Variants in PRKDC observed in about 807,000 individuals in gnomAD.
PRKDC encodes the protein DNA-dependent protein kinase catalytic subunit.
A neutral mutation model predicts 486.9 loss-of-function variants in PRKDC; 82 were observed. The ratio of observed to expected loss-of-function variants is 0.17; its 90% CI spans 0.14 to 0.20. PRKDC has a LOEUF of 0.20. Ranked by LOEUF, PRKDC falls within the 10% of genes least tolerant of loss-of-function variation. The pLI is 1.00. For synonymous variants in PRKDC, 1,895 were observed against 1,837.0 expected, an observed-to-expected ratio of 1.03 and a Z score of -0.81; for missense variants, 4,504 against 5,038.2, an observed-to-expected ratio of 0.89 and a Z score of 3.21.
In PRKDC at chr8:47,836,519, G is replaced by A. The variant is rs1221163221; in HGVS notation, c.7770C>T (p.Thr2590=). The change falls in exon 58 of 86, where the codon ACC becomes ACT. Residue 2590 remains threonine, a synonymous_variant. Transcript: ENST00000314191. The part of the protein sequence containing the change: ...PLSECEFQEY[T]IDSDWRFRST... ...TTCGGAAACGCCAATCAGAATCAAT[G>A]GTATATTCCTGTACATAAGAAAGTT... 1 of 1,595,192 alleles carries A rather than the reference G, an allele frequency of 6.3e-7. No homozygotes were observed. The highest frequency in any genetic ancestry group is 8.5e-7 in the Non-Finnish European group (1 of 1,170,474).
chr8:47,775,877 C>T (rs1249867093), intron 85 of PRKDC, among the ~76,000 whole-genome samples: 1 of 148,330 alleles, frequency 6.7e-6, no homozygotes, highest in Non-Finnish European at 1.5e-5. Flanking sequence ...GGCTGGAGTA[C>T]AGTGGTGCCA....
At chr8:47,869,908 AGGCCTG>A (rs1418414444) in intron 40 of PRKDC, among the ~76,000 whole-genome samples, 1 of 152,220 alleles carries the variant, frequency 6.6e-6, no homozygotes, top group Non-Finnish European at 1.5e-5. Flanking sequence ...TCCTCACTGC[AGGCCTG>A]GGGCAATGGT....
intron 36 of PRKDC, among the ~76,000 whole-genome samples, chr8:47,885,401 C>T (rs1355463572): frequency 6.6e-6 from 1 of 152,004 alleles, no homozygotes; most frequent in East Asian, 1.9e-4. Context: ...GATCCGCTCA[C>T]CTCCACCTCC....
At chr8:47,889,302 G>C in intron 32 of PRKDC, 80 bp from the exon 33 acceptor site, 1 of 1,268,058 alleles carries the variant, frequency 7.9e-7, no homozygotes, top group Admixed American at 2.6e-5. Context: ...ACAAGGTTGG[G>C]AACTTCTGCC....
At chr8:47,805,834 TC>T (rs1433372562) in intron 69 of PRKDC, among the ~76,000 whole-genome samples, 2 of 152,162 alleles carry the variant, frequency 1.3e-5, no homozygotes, top group Non-Finnish European at 2.9e-5. Context: ...CCTCAGGTTC[TC>T]CTGGATCTCC....
At chr8:47,797,764 T>C (rs774497170) in intron 73 of PRKDC, among the ~76,000 whole-genome samples, 2 of 152,190 alleles carry the variant, frequency 1.3e-5, no homozygotes, top group Non-Finnish European at 2.9e-5. Context: ...GTTCCTCCCA[T>C]GTCCATACGC....
rs770142147 is a variant in PRKDC, at chr8:47,799,397, T to A, written c.10117-7A>T. 4 of 1,533,756 alleles carry A rather than the reference T, an allele frequency of 2.6e-6. No individual in the cohort carries two copies. In the African/African-American group the frequency reaches 5.5e-5, roughly 21 times the overall value. On this transcript the variant is annotated splice_region_variant and splice_polypyrimidine_tract_variant and intron_variant, in intron 71 of 85. Transcript: ENST00000314191. ...GGTACAGACCCGCGATCACCTGGAA[T>A]TCACAGAGACCTAAACCCATGAGCA...
At position 47,904,914 on chromosome 8, in the gene PRKDC, C is replaced by G. The variant is rs1161182893; in HGVS notation, c.2997G>C (p.Lys999Asn). 2 of 1,613,700 alleles carry G rather than the reference C, an allele frequency of 1.2e-6. No homozygotes were observed. The highest frequency in any genetic ancestry group is 1.7e-6 in the Non-Finnish European group (2 of 1,179,726). ...MQLIHWFTNN[K>N]KFESQDTVAL... ...CAACAGTATCCTGACTTTCAAATTT[C>G]TTGTTGTTAGTGAACCAGTGAATCA... The change falls in exon 26 of 86, where the codon AAG becomes AAC. Residue 999 changes from lysine to asparagine, a missense_variant. Physicochemically the swap from Lys to Asn is moderately conservative, Grantham distance 94 (BLOSUM62 0). This residue lies in a region of PRKDC where 1,969 missense variants were observed against 2,068.9 expected (regional missense o/e 0.95). Coordinates refer to ENST00000314191, the MANE Select transcript of PRKDC (RefSeq NM_006904.7).
At chr8:47,828,476 GA>G in intron 61 of PRKDC, 129 bp from the exon 62 acceptor site, 3 of 730,372 alleles carry the variant, frequency 4.1e-6, no homozygotes, top group Non-Finnish European at 6.4e-6. Context: ...ATTCTATTTG[GA>G]AAGACTTAGC....
chr8:47,872,432 C>G (rs1402580521), intron 40 of PRKDC, among the ~76,000 whole-genome samples: 1 of 137,500 alleles, frequency 7.3e-6, no homozygotes, highest in Non-Finnish European at 1.5e-5. Flanking sequence ...CACTTATCAA[C>G]AACAACATTG....
At chr8:47,866,348 G>A (rs567836023) in intron 40 of PRKDC, among the ~76,000 whole-genome samples, 2 of 152,072 alleles carry the variant, frequency 1.3e-5, no homozygotes, top group African/African-American at 4.8e-5. Context: ...TGTTTTATAG[G>A]CCACCCACTC....
At chr8:47,811,425 G>C (rs1159301499) in intron 68 of PRKDC, among the ~76,000 whole-genome samples, 1 of 152,138 alleles carries the variant, frequency 6.6e-6, no homozygotes, top group Non-Finnish European at 1.5e-5. Flanking sequence ...AAGATTTTTA[G>C]GCTAAAGGAA....
At chr8:47,886,289 T>G in intron 35 of PRKDC, 142 bp from the exon 36 acceptor site, 1 of 585,258 alleles carries the variant, frequency 1.7e-6, no homozygotes, top group Non-Finnish European at 2.8e-6. Flanking sequence ...GGATTCAAGC[T>G]GAAATTGTAT....
Position 47,839,244 on chromosome 8 carries a change from T to A in PRKDC, c.7457A>T (p.Asp2486Val), listed in dbSNP as rs763783256. 5.6e-6 allele frequency: 9 copies of A among 1,611,118 alleles called. No individual in the cohort carries two copies. In the East Asian group the frequency reaches 2.0e-4, roughly 36 times the overall value. Residue 2486 changes from aspartate (D) to valine (V), a missense_variant and splice_region_variant, in exon 56 of 86, where the codon GAT (aspartate) becomes GTT (valine). By Grantham distance (152) the Asp-to-Val change is radical. Transcript: ENST00000314191. Reference protein sequence around the residue: ...ILMWIHDNYRDPESETDNDSQ... With the variant: ...ILMWIHDNYRVPESETDNDSQ... ...GTCATTATCTGTCTCACTTTCTGGATCTCTGCTTGAGAAAACAGCAAAATG... is the reference window on the plus strand; with the variant it reads ...GTCATTATCTGTCTCACTTTCTGGAACTCTGCTTGAGAAAACAGCAAAATG...
At chr8:47,881,305 C>T (rs1246513329) in intron 38 of PRKDC, 111 bp downstream of exon 38, 1 of 684,524 alleles carries the variant, frequency 1.5e-6, no homozygotes, top group Admixed American at 2.7e-5. Context: ...AGTCTCCCTA[C>T]ATTTGAACAC....
chr8:47,821,126 G>A (rs956003729), intron 65 of PRKDC, among the ~76,000 whole-genome samples, 183 bp from the exon 66 acceptor site: 3 of 152,138 alleles, frequency 2.0e-5, no homozygotes, highest in African/African-American at 7.2e-5. Flanking sequence ...AAAATAGCTT[G>A]TTTTGTAACC....
At chr8:47,835,568 G>A (rs1467872116) in intron 58 of PRKDC, among the ~76,000 whole-genome samples, 2 of 117,418 alleles carry the variant, frequency 1.7e-5, no homozygotes, top group African/African-American at 6.6e-5. Flanking sequence ...AGTGAGCCAA[G>A]ATCGTGCCAC....
intron 16 of PRKDC, among the ~76,000 whole-genome samples, chr8:47,932,116 C>T (rs2154503617): frequency 6.6e-6 from 1 of 151,748 alleles, no homozygotes; most frequent in South Asian, 2.1e-4. Flanking sequence ...CAGAGTCTCG[C>T]TCTGTCGCCC....
chr8:47,808,945 G>T (rs116418183), intron 68 of PRKDC, among the ~76,000 whole-genome samples: 1 of 151,940 alleles, frequency 6.6e-6, no homozygotes, highest in African/African-American at 2.4e-5. Context: ...GATCGCCTGA[G>T]CTCAGGAATT....
Sources: gnomAD v4.1 joint callset for allele counts (sites outside exome capture counted in the v4.1 genomes callset) on GRCh38, gnomAD v4.1.1 for gene constraint, gnomAD v4.1.1 regional missense constraint, MANE v1.5 for transcripts, NCBI Gene and HGNC (gene_info 2026-07-23, HGNC 2026-07-21) for gene names.